The following TGM3 variants were observed in gnomAD, a reference collection of about 807,000 sequenced individuals.
TGM3 encodes transglutaminase 3.
A neutral mutation model predicts 73.8 loss-of-function variants in TGM3; 52 were observed. The observed-to-expected ratio is 0.70, with a 90% confidence interval of 0.56 to 0.89. TGM3 has a LOEUF of 0.89. Among genes scored for constraint, TGM3 ranks in the 40% least tolerant of loss-of-function variants. The pLI, the probability that TGM3 is intolerant of heterozygous loss-of-function variation, is 0.00. For missense variants in TGM3, 928 were observed against 909.9 expected (o/e 1.02, Z -0.26); for synonymous variants, 372 against 354.9 (o/e 1.05, Z -0.54).
intron 7 of TGM3, among the ~76,000 whole-genome samples, chr20:2,318,667 G>T (rs1350873211): frequency 3.3e-5 from 5 of 152,014 alleles, no homozygotes; most frequent in Non-Finnish European, 7.4e-5. Flanking sequence ...ACACATAATT[G>T]CTCACATGCA....
At chr20:2,299,035 A>G (rs1308791874) in intron 1 of TGM3, among the ~76,000 whole-genome samples, 1 of 152,122 alleles carries the variant, frequency 6.6e-6, no homozygotes, top group Non-Finnish European at 1.5e-5. Flanking sequence ...TTCCTGTAGG[A>G]TTCCTTACAG....
intron 1 of TGM3, among the ~76,000 whole-genome samples, chr20:2,300,232 G>GA (rs963351916): frequency 2.4e-4 from 9 of 37,996 alleles, no homozygotes; most frequent in Admixed American, 4.5e-4. Context: ...AAGAAAGAAA[G>GA]AAAAAAAGAA....
intron 3 of TGM3, 43 bp downstream of exon 3, chr20:2,310,460 A>T (rs765262448): frequency 5.6e-6 from 9 of 1,601,648 alleles, no homozygotes; most frequent in South Asian, 2.2e-5. Flanking sequence ...GGCCTAAGCT[A>T]GAAAAGAAAA....
chr20:2,298,850 C>T (rs926585266), intron 1 of TGM3, among the ~76,000 whole-genome samples: 2 of 152,158 alleles, frequency 1.3e-5, no homozygotes, highest in African/African-American at 4.8e-5. Context: ...CCTCTGGGCT[C>T]AGAGTCTTGT....
At chr20:2,340,033 C>CGGGAGGGGGA in intron 12 of TGM3, 46 bp downstream of exon 12, 1 of 196,586 alleles carries the variant, frequency 5.1e-6, no homozygotes. Context: ...CGGGAGGGGG[C>CGGGAGGGGGA]GGGGGGGCCC....
Position 2,328,463 on chromosome 20 carries a change from T to G in TGM3, c.1333+98T>G. 1 of 1,503,386 alleles carries G rather than the reference T, an allele frequency of 6.7e-7. No individual in the cohort carries two copies. The highest frequency in any genetic ancestry group is 9.0e-7 in the Non-Finnish European group (1 of 1,112,892). 93.1% of individuals were successfully genotyped at this position (1,503,386 alleles called of 1,614,324 possible). On this transcript the variant is annotated intron_variant, in intron 9 of 12. Coordinates refer to ENST00000381458, the MANE Select transcript of TGM3 (RefSeq NM_003245.4). This position sits in a 1 kb window ranked among gnomAD's most constrained non-coding sequence, Gnocchi z 5.2. ...AGAAAAGTCCTCACCTCCCCCGCAC[T>G]GGCAGCCAGTTCTGCCTGAATGATA...
Position 2,340,516 on chromosome 20 carries a change from GC to G in TGM3, c.2019del (p.Asp674ThrfsTer18). On this transcript the variant is annotated frameshift_variant, in exon 13 of 13. Coordinates refer to ENST00000381458, the MANE Select transcript of TGM3 (RefSeq NM_003245.4). LOFTEE classifies it high-confidence loss of function. ...CCGGAGTGGCACCAAGCAACTGCTC[GC>G]CGACTTCTCCTGCAACAAGTTCCCT... ...PSRSGTKQLLADFSCNKFPAI... is the reference protein window; with the variant it reads ...PSRSGTKQLLXDFSCNKFPAI... 6.2e-7 allele frequency: 1 copy of G among 1,614,146 alleles called. No homozygotes were observed. The highest frequency in any genetic ancestry group is 8.5e-7 in the Non-Finnish European group (1 of 1,180,022).
intron 7 of TGM3, among the ~76,000 whole-genome samples, chr20:2,325,428 C>T (rs763579953): frequency 6.6e-6 from 1 of 152,176 alleles, no homozygotes; most frequent in Non-Finnish European, 1.5e-5. Context: ...TCGGCCAACA[C>T]CAAGCACAGA....
At chr20:2,310,478 G>T in intron 3 of TGM3, 61 bp downstream of exon 3, 1 of 1,587,506 alleles carries the variant, frequency 6.3e-7, no homozygotes, top group Non-Finnish European at 8.6e-7. Flanking sequence ...AAAAGGGGAT[G>T]GGGGAAATGA....
chr20:2,328,499 C>A lies in TGM3; in HGVS notation c.1333+134C>A. 1 of 1,265,890 alleles carries A rather than the reference C, an allele frequency of 7.9e-7. No homozygotes were observed. The highest frequency in any genetic ancestry group is 1.1e-6 in the Non-Finnish European group (1 of 919,920). The allele number at this position is 1,265,890 out of a possible 1,614,324, so 78.4% of individuals were successfully genotyped here. A position where few individuals can be genotyped will look rare whatever the true frequency, so the allele number is the denominator to read the frequency against. Reference sequence around the variant, plus strand: ...TCTGCCTGAATGATAGGATTGCTCCCTAGCACCTAACATCCACCTCCCAGG... The same window carrying A: ...TCTGCCTGAATGATAGGATTGCTCCATAGCACCTAACATCCACCTCCCAGG... On this transcript the variant is annotated intron_variant, in intron 9 of 12. Transcript: ENST00000381458. The surrounding 1 kb of genome is among the most constrained non-coding windows in gnomAD (Gnocchi z 5.2).
chr20:2,329,368 C>A (rs532558606), intron 9 of TGM3, among the ~76,000 whole-genome samples: 1 of 152,274 alleles, frequency 6.6e-6, no homozygotes, highest in South Asian at 2.1e-4. Flanking sequence ...GGTGCCCCCC[C>A]AGGTGCTGGT....
At position 2,311,222 on chromosome 20, in the gene TGM3, G is replaced by A. The variant is rs1207087522; in HGVS notation, c.540+93G>A. 1.4e-5 allele frequency: 14 copies of A among 1,011,478 alleles called. No individual in the cohort carries two copies. In the East Asian group the frequency reaches 3.4e-4, roughly 24 times the overall value. 62.7% of individuals were successfully genotyped at this position (1,011,478 alleles called of 1,614,324 possible). On this transcript the variant is annotated intron_variant, in intron 4 of 12. Transcript: ENST00000381458. ...CAGATCAATGGGAAGTCCCACATCT[G>A]TCCATCTGCCTGCCCTTCTATTTGT...
At chr20:2,330,041 C>T (rs214822) in intron 9 of TGM3, among the ~76,000 whole-genome samples, 3,956 of 151,776 alleles carry the variant, frequency 0.026, 77 homozygotes, top group Non-Finnish European at 0.04. Flanking sequence ...TGGGCAGGTC[C>T]GTTGTGGGGG....
At position 2,335,292 on chromosome 20, in the gene TGM3, C is replaced by A. The variant is rs555009003; in HGVS notation, c.1800+19C>A. Reference sequence around the variant, plus strand: ...CCTGGAGGTAATGGGGCTCCCCATCCTGTGGGAAGGGGTTCTGCCCCCAGC... The same window carrying A: ...CCTGGAGGTAATGGGGCTCCCCATCATGTGGGAAGGGGTTCTGCCCCCAGC... On this transcript the variant is annotated intron_variant, in intron 11 of 12. Coordinates refer to ENST00000381458, the MANE Select transcript of TGM3 (RefSeq NM_003245.4). The A allele has an allele frequency of 3.7e-6, 6 of 1,613,302 alleles. No individual in the cohort carries two copies. In the East Asian group the frequency reaches 1.1e-4, roughly 30 times the overall value.
chr20:2,300,183 AAG>A (rs1395650030), intron 1 of TGM3, among the ~76,000 whole-genome samples: 1 of 150,522 alleles, frequency 6.6e-6, no homozygotes, highest in Non-Finnish European at 1.5e-5. Context: ...AAGAAAGAGA[AAG>A]AGAAAGAAAT....
At chr20:2,300,217 GAAGAAAGA>G (rs1244109974) in intron 1 of TGM3, among the ~76,000 whole-genome samples, 3 of 117,632 alleles carry the variant, frequency 2.6e-5, no homozygotes, top group African/African-American at 8.3e-5. Flanking sequence ...GAAAGAAAGA[GAAGAAAGA>G]AAGAAAGAAA....
intron 1 of TGM3, among the ~76,000 whole-genome samples, chr20:2,304,280 G>T (rs138349018): frequency 6.6e-6 from 1 of 152,256 alleles, no homozygotes; most frequent in Non-Finnish European, 1.5e-5. Context: ...AGCAATCCTA[G>T]GGTTAAGGGA....
chr20:2,309,705 C>A lies in TGM3; in HGVS notation c.56C>A (p.Ala19Glu). ...INWQTAFNRQ[A>E]HHTDKFSSQE... ...TGGCAGACGGCCTTCAACCGACAAG[C>A]GCATCACACAGACAAGTTCTCCAGC... Residue 19 changes from alanine to glutamate, a missense_variant, in exon 2 of 13, where the codon GCG becomes GAG. Ala to Glu is a moderately radical substitution (Grantham distance 107). Transcript: ENST00000381458. 6.2e-7 allele frequency: 1 copy of A among 1,614,166 alleles called. No homozygotes were observed. The highest frequency in any genetic ancestry group is 8.5e-7 in the Non-Finnish European group (1 of 1,180,020).
At chr20:2,329,810 A>G (rs935836507) in intron 9 of TGM3, among the ~76,000 whole-genome samples, 5 of 152,206 alleles carry the variant, frequency 3.3e-5, no homozygotes, top group Admixed American at 3.3e-4. Context: ...TAAGGTATAC[A>G]AAGTGCCAAG....
Sources: allele counts gnomAD v4.1 joint callset (sites outside exome capture counted in the v4.1 genomes callset), GRCh38; gene constraint gnomAD v4.1.1; non-coding constraint Gnocchi (gnomAD v3.1); transcripts MANE v1.5; gene names NCBI Gene and HGNC (gene_info 2026-07-23, HGNC 2026-07-21).